FDFT1: variants seen among roughly 807,000 people sequenced by gnomAD.
The protein encoded by FDFT1 is farnesyl-diphosphate farnesyltransferase 1, also known as squalene synthase.
A neutral mutation model predicts 46.8 loss-of-function variants in FDFT1; 68 were observed. The ratio of observed to expected loss-of-function variants is 1.45; its 90% CI spans 1.19 to 1.78. FDFT1 has a LOEUF of 1.78. Among genes scored for constraint, FDFT1 ranks in the 40% most tolerant of loss-of-function variants. FDFT1 has a pLI of 0.00. For synonymous variants in FDFT1, 351 were observed against 185.1 expected, an observed-to-expected ratio of 1.90 and a Z score of -7.28; for missense variants, 928 against 524.4, an observed-to-expected ratio of 1.77 and a Z score of -7.52.
At chr8:11,820,045 T>C (rs1392743941) in intron 3 of FDFT1, among the ~76,000 whole-genome samples, 5 of 152,170 alleles carry the variant, frequency 3.3e-5, no homozygotes, top group Non-Finnish European at 7.4e-5. Context: ...GGTGTCCTTT[T>C]TGTTGATATT....
chr8:11,797,471 T>C (rs1051165913), upstream of FDFT1, among the ~76,000 whole-genome samples: 1 of 151,836 alleles, frequency 6.6e-6, no homozygotes, highest in African/African-American at 2.4e-5. Flanking sequence ...CTCATCTTTG[T>C]TTTTTCCCAT....
intron 3 of FDFT1, among the ~76,000 whole-genome samples, chr8:11,821,534 T>G (rs1809245980): frequency 6.6e-6 from 1 of 152,210 alleles, no homozygotes; most frequent in African/African-American, 2.4e-5. Context: ...GAGTTTGCAG[T>G]GAGCTGAGAT....
chr8:11,796,975 T>C (rs577320744), intron 1 of FDFT1, among the ~76,000 whole-genome samples: 64 of 152,368 alleles, frequency 4.2e-4, no homozygotes, highest in African/African-American at 1.5e-3. Context: ...CAGTCAGATC[T>C]ATATCTACTT....
At chr8:11,834,064 C>G (rs776413009) in intron 7 of FDFT1, among the ~76,000 whole-genome samples, 24 of 152,196 alleles carry the variant, frequency 1.6e-4, no homozygotes, top group Non-Finnish European at 2.4e-4. Flanking sequence ...TAACACTGAT[C>G]CTATTTCTCC....
At chr8:11,815,467 C>T (rs1322388238) in intron 3 of FDFT1, among the ~76,000 whole-genome samples, 2 of 152,214 alleles carry the variant, frequency 1.3e-5, no homozygotes, top group African/African-American at 2.4e-5. Flanking sequence ...AATGGTTGAA[C>T]TAATTTACAC....
At chr8:11,830,453 G>C (rs1399671744) in intron 6 of FDFT1, 33 bp downstream of exon 6, 1 of 1,504,610 alleles carries the variant, frequency 6.6e-7, no homozygotes, top group Non-Finnish European at 9.2e-7. Flanking sequence ...GTGGATACGG[G>C]GCTAAAGGGA....
chr8:11,806,072 C>A (rs1806787672), intron 1 of FDFT1, among the ~76,000 whole-genome samples: 1 of 152,278 alleles, frequency 6.6e-6, no homozygotes, highest in Admixed American at 6.5e-5. Flanking sequence ...GTGAGGAAGG[C>A]TCCGTGGAGG....
In FDFT1 at chr8:11,830,229, T is replaced by A. The variant is rs374045749; in HGVS notation, c.703-15T>A. The A allele has an allele frequency of 2.6e-5, 42 of 1,607,746 alleles. No homozygotes were observed. The highest frequency in any genetic ancestry group is 2.5e-4 in the African/African-American group (19 of 74,812). ...GCACACGCTGACCTGTTCCTTAATC[T>A]TCTTATCTGTCTAGGTTTGGAGCAG... On this transcript the variant is annotated splice_polypyrimidine_tract_variant and intron_variant, in intron 5 of 7. Transcript: ENST00000220584.
chr8:11,838,471 C>G lies in FDFT1; in HGVS notation c.1116C>G (p.Pro372=). 6.2e-7 allele frequency: 1 copy of G among 1,606,520 alleles called. No individual in the cohort carries two copies. ...IISTIRTQNL[P]NCQLISRSHY... ...CCACCATCCGGACGCAGAATCTTCC[C>G]AACTGTCAGCTGATTTCCCGAAGCC... Residue 372 remains proline (P), a synonymous_variant, in exon 8 of 8, where the codon CCC becomes CCG. Transcript: ENST00000220584.
chr8:11,808,424 C>A (rs1019708374), intron 1 of FDFT1: 1 of 1,257,902 alleles, frequency 7.9e-7, no homozygotes, highest in South Asian at 3.4e-5. Flanking sequence ...AGCGCGTATT[C>A]GAGTAGAGGG....
At chr8:11,809,452 T>G (rs1807393632) in intron 2 of FDFT1, 2 of 1,284,404 alleles carry the variant, frequency 1.6e-6, no homozygotes, top group South Asian at 4.7e-5. Flanking sequence ...ATTCAACTAG[T>G]AGGCTTTTTA....
chr8:11,802,109 C>T (rs965212090), upstream of FDFT1: 6 of 454,716 alleles, frequency 1.3e-5, no homozygotes, highest in African/African-American at 1.0e-4. Flanking sequence ...CTCAAGTAAA[C>T]ACTAGAGAGG....
intron 3 of FDFT1, among the ~76,000 whole-genome samples, chr8:11,810,429 C>T (rs1267918977): frequency 6.6e-6 from 1 of 152,216 alleles, no homozygotes; most frequent in East Asian, 1.9e-4. Context: ...GCCTCTGCCA[C>T]TTCACCTGTG....
chr8:11,803,466 A>G (rs750387166), intron 1 of FDFT1: 1 of 1,272,510 alleles, frequency 7.9e-7, no homozygotes, highest in Non-Finnish European at 1.0e-6. Flanking sequence ...CTACGCTTCC[A>G]AGTTCCAATG....
intron 3 of FDFT1, among the ~76,000 whole-genome samples, chr8:11,818,418 T>A (rs1233753977): frequency 6.6e-6 from 1 of 152,240 alleles, no homozygotes; most frequent in Non-Finnish European, 1.5e-5. Flanking sequence ...GATATCCTTG[T>A]TAACCTTTTG....
intron 4 of FDFT1, among the ~76,000 whole-genome samples, chr8:11,824,567 A>T (rs1809702084): frequency 1.3e-5 from 2 of 150,584 alleles, no homozygotes. Context: ...AACTGGGACC[A>T]CTGGCCTGTG....
chr8:11,808,584 GC>G (rs1157268617), intron 1 of FDFT1: 82 of 1,384,774 alleles, frequency 5.9e-5, no homozygotes, highest in Non-Finnish European at 7.0e-5. Context: ...GCTGAGTCCC[GC>G]CGCGGCGCCC....
intron 3 of FDFT1, among the ~76,000 whole-genome samples, chr8:11,819,139 T>G (rs553010058): frequency 6.6e-6 from 1 of 152,336 alleles, no homozygotes; most frequent in East Asian, 1.9e-4. Context: ...TATGAGATTC[T>G]GGGTTGAAAA....
At chr8:11,822,262 ATTTT>A (rs766598077) in intron 4 of FDFT1, among the ~76,000 whole-genome samples, 13 of 151,932 alleles carry the variant, frequency 8.6e-5, no homozygotes, top group Admixed American at 7.2e-4. Context: ...TTATTTATTT[ATTTT>A]AAAGCCAGTC....
Sources: gnomAD v4.1 joint callset for allele counts (sites outside exome capture counted in the v4.1 genomes callset) on GRCh38, gnomAD v4.1.1 for gene constraint, MANE v1.5 for transcripts, NCBI Gene and HGNC (gene_info 2026-07-23, HGNC 2026-07-21) for gene names.